The following CHODL variants were observed in gnomAD, a reference collection of about 807,000 sequenced individuals.
CHODL encodes chondrolectin, also known as transmembrane protein MT75.
A neutral mutation model predicts 34.5 loss-of-function variants in CHODL; 29 were observed. The observed-to-expected ratio is 0.84, with a 90% confidence interval of 0.63 to 1.15. CHODL has a LOEUF of 1.15. Among genes scored for constraint, CHODL ranks in the 50% most tolerant of loss-of-function variants. The probability of loss-of-function intolerance (pLI) is 0.00; values close to 1 mark genes in which losing one functional copy is unlikely to be tolerated. For missense variants in CHODL, 332 were observed against 332.5 expected (o/e 1.00, Z 0.01); for synonymous variants, 125 against 116.1 (o/e 1.08, Z -0.49).
At chr21:18,026,649 GA>G (rs1165012963) in intron 1 of CHODL, among the ~76,000 whole-genome samples, 4 of 152,134 alleles carry the variant, frequency 2.6e-5, no homozygotes, top group Non-Finnish European at 5.9e-5. Flanking sequence ...TTAACATTCA[GA>G]AAATGCACTC....
chr21:18,027,358 C>G (rs1461695980), intron 1 of CHODL, among the ~76,000 whole-genome samples: 1 of 151,976 alleles, frequency 6.6e-6, no homozygotes, highest in East Asian at 1.9e-4. Flanking sequence ...AATTATTAAA[C>G]TAAATAGGTA....
chr21:18,025,141 A>G (rs184842611), intron 1 of CHODL, among the ~76,000 whole-genome samples: 2 of 152,322 alleles, frequency 1.3e-5, no homozygotes, highest in African/African-American at 4.8e-5. Context: ...TGAGTTTTAG[A>G]TTCAAAACAC....
chr21:18,172,718 T>C (rs2073247140), intron 2 of CHODL, among the ~76,000 whole-genome samples: 2 of 152,186 alleles, frequency 1.3e-5, no homozygotes, highest in Non-Finnish European at 2.9e-5. Context: ...TGTTCCCTCA[T>C]TGCAGAAGTC....
rs550800374 is a variant in CHODL at position 18,016,165 on chromosome 21, G to T, written c.-144-11707G>T. On this transcript the variant is annotated intron_variant, in intron 1 of 6. Coordinates refer to the CHODL transcript ENST00000400127. ...AGAGACCTTCATGGCAGCCCATCCT[G>T]TAACAGGCCTGGAGGCCTAGGAGGG... Among the ~76,000 whole-genome samples the T allele has an allele frequency of 2.0e-5, 3 of 152,360 alleles. No homozygotes were observed. The East Asian group carries it at 5.8e-4, about 29-fold the overall frequency.
intron 2 of CHODL, among the ~76,000 whole-genome samples, chr21:18,099,114 G>T (rs1236869347): frequency 6.6e-6 from 1 of 151,934 alleles, no homozygotes; most frequent in East Asian, 1.9e-4. Context: ...AGGGGTTGGG[G>T]TTGGTTAGTG....
intron 2 of CHODL, among the ~76,000 whole-genome samples, chr21:18,138,845 T>A (rs1284787464): frequency 6.6e-6 from 1 of 152,166 alleles, no homozygotes; most frequent in Non-Finnish European, 1.5e-5. Context: ...TCATCTCTGA[T>A]GAAATGCTCT....
chr21:18,117,315 A>T (rs1012352766), intron 2 of CHODL, among the ~76,000 whole-genome samples: 1 of 152,138 alleles, frequency 6.6e-6, no homozygotes, highest in African/African-American at 2.4e-5. Context: ...AACAGGGTAA[A>T]CAGTATAATT....
At chr21:18,177,132 G>A (rs2073325440) in intron 2 of CHODL, among the ~76,000 whole-genome samples, 1 of 151,910 alleles carries the variant, frequency 6.6e-6, no homozygotes, top group Admixed American at 6.6e-5. Context: ...TCCAAAGTGT[G>A]ATAATAATTA....
intron 3 of CHODL, 136 bp downstream of exon 3, chr21:18,257,263 A>G (rs975776767): frequency 4.0e-6 from 3 of 741,960 alleles, no homozygotes; most frequent in African/African-American, 3.5e-5. Flanking sequence ...AGTTTCTCAT[A>G]TCACTCGTGT....
At chr21:18,084,909 G>T (rs2064985428) in intron 2 of CHODL, among the ~76,000 whole-genome samples, 1 of 140,304 alleles carries the variant, frequency 7.1e-6, no homozygotes, top group African/African-American at 2.7e-5. Context: ...TCTTTTGTTA[G>T]GTCTAGTAAT....
chr21:17,963,835 C>A (rs1431717036), intron 1 of CHODL, among the ~76,000 whole-genome samples: 1 of 151,966 alleles, frequency 6.6e-6, no homozygotes, highest in Non-Finnish European at 1.5e-5. Flanking sequence ...TTCTTGGAAT[C>A]ATTTTAGCCA....
intron 1 of CHODL, among the ~76,000 whole-genome samples, chr21:17,956,454 A>G (rs1170968891): frequency 3.6e-5 from 5 of 137,000 alleles, no homozygotes; most frequent in African/African-American, 7.5e-5. Flanking sequence ...CTAGTCTCAG[A>G]TATTTCTTTA....
At chr21:18,009,040 A>G (rs1394742231) in intron 1 of CHODL, among the ~76,000 whole-genome samples, 1 of 152,228 alleles carries the variant, frequency 6.6e-6, no homozygotes, top group Non-Finnish European at 1.5e-5. Context: ...GTAAAAGAGA[A>G]AAATATTGGC....
At chr21:18,050,308 C>T (rs2064497912) in intron 2 of CHODL, among the ~76,000 whole-genome samples, 1 of 151,866 alleles carries the variant, frequency 6.6e-6, no homozygotes, top group Non-Finnish European at 1.5e-5. Flanking sequence ...ATTTATATGG[C>T]CTTTTAGGCT....
At chr21:18,180,384 A>G (rs1249655095) in intron 2 of CHODL, among the ~76,000 whole-genome samples, 3 of 152,096 alleles carry the variant, frequency 2.0e-5, no homozygotes, top group Non-Finnish European at 4.4e-5. Context: ...GGCTCAAGCA[A>G]TCCTCCTGCT....
At chr21:17,927,104 G>GTATGTATATATGTATATATATGTATA (rs2063231635) in intron 1 of CHODL, among the ~76,000 whole-genome samples, 6 of 137,552 alleles carry the variant, frequency 4.4e-5, no homozygotes, top group African/African-American at 1.6e-4. Context: ...ATATCTGTGT[G>GTATGTATATATGTATATATATGTATA]TATGTATATA....
At chr21:18,016,931 A>T (rs938777340) in intron 1 of CHODL, among the ~76,000 whole-genome samples, 1 of 152,248 alleles carries the variant, frequency 6.6e-6, no homozygotes, top group Non-Finnish European at 1.5e-5. Flanking sequence ...TTGGACTTGC[A>T]TGGGGCCTGC....
chr21:17,955,571 A>G (rs1231933369), intron 1 of CHODL, among the ~76,000 whole-genome samples: 1 of 136,966 alleles, frequency 7.3e-6, no homozygotes, highest in African/African-American at 2.5e-5. Flanking sequence ...GACAGTCACC[A>G]GGGGAGTACT....
chr21:17,985,611 G>A (rs1400207121), intron 1 of CHODL, among the ~76,000 whole-genome samples: 2 of 152,154 alleles, frequency 1.3e-5, no homozygotes, highest in Admixed American at 1.3e-4. Context: ...GGTGACTACA[G>A]AGTGTGAATT....
Sources: allele counts gnomAD v4.1 joint callset (sites outside exome capture counted in the v4.1 genomes callset), GRCh38; gene constraint gnomAD v4.1.1; transcripts MANE v1.5; gene names NCBI Gene and HGNC (gene_info 2026-07-23, HGNC 2026-07-21).